Variants in BLTP1 observed in about 807,000 individuals in gnomAD.
The protein encoded by BLTP1 is fragile site-associated protein.
the BLTP1 span, chr4:122,235,666 G>A: frequency 2.5e-5 from 4 of 161,270 alleles, no homozygotes; most frequent in South Asian, 2.0e-4. Flanking sequence ...TTAGCCGGGC[G>A]TGGTGGCGGG....
chr4:122,329,602 A>G, the BLTP1 span, among the ~76,000 whole-genome samples: 2 of 151,246 alleles, frequency 1.3e-5, no homozygotes, highest in Admixed American at 6.6e-5. Context: ...CAGATGATCT[A>G]TATCTCTTTA....
the BLTP1 span, among the ~76,000 whole-genome samples, chr4:122,355,502 T>C: frequency 4.0e-5 from 6 of 150,522 alleles, no homozygotes; most frequent in Non-Finnish European, 8.9e-5. Context: ...AATCCCATTA[T>C]AAAGCTTTGG....
chr4:122,263,998 T>C, the BLTP1 span: 1 of 617,000 alleles, frequency 1.6e-6, no homozygotes, highest in Non-Finnish European at 2.0e-6. Context: ...AAATATTTAA[T>C]TAAATCTAAA....
At chr4:122,154,277 G>A in the BLTP1 span, 10 of 950,896 alleles carry the variant, frequency 1.1e-5, no homozygotes, top group South Asian at 9.9e-5. Context: ...CCGGGTTCAC[G>A]CCATTCTCCT....
the BLTP1 span, chr4:122,226,247 C>T: frequency 4.7e-6 from 1 of 211,264 alleles, no homozygotes. Flanking sequence ...CTTCTATTTA[C>T]ATAAACAAAA....
chr4:122,262,647 G>T, the BLTP1 span: 1 of 1,195,370 alleles, frequency 8.4e-7, no homozygotes, highest in Non-Finnish European at 1.2e-6. Context: ...GATCAGTTTT[G>T]GTATTAATGT....
At chr4:122,259,499 C>T in the BLTP1 span, among the ~76,000 whole-genome samples, 5 of 151,986 alleles carry the variant, frequency 3.3e-5, no homozygotes, top group African/African-American at 1.2e-4. Context: ...TTATTTTTTG[C>T]TAGTTATTGT....
At chr4:122,156,077 G>A in the BLTP1 span, 1 of 508,600 alleles carries the variant, frequency 2.0e-6, no homozygotes, top group African/African-American at 2.1e-5. Context: ...GAGGTAGGAA[G>A]TGTAGGAAGA....
At chr4:122,268,735 A>G in the BLTP1 span, among the ~76,000 whole-genome samples, 1 of 152,076 alleles carries the variant, frequency 6.6e-6, no homozygotes, top group Non-Finnish European at 1.5e-5. Context: ...GTAAAATGTT[A>G]TGGGGATTTA....
the BLTP1 span, chr4:122,355,826 A>C: frequency 6.2e-7 from 1 of 1,604,622 alleles, no homozygotes; most frequent in East Asian, 2.2e-5. Flanking sequence ...GTTGATGCTA[A>C]CAACACTGAG....
the BLTP1 span, chr4:122,244,150 T>TAC: frequency 4.8e-6 from 5 of 1,040,286 alleles, no homozygotes; most frequent in Non-Finnish European, 6.5e-6. Context: ...GTGATATATG[T>TAC]TCATATAGAA....
chr4:122,312,533 C>T, the BLTP1 span, among the ~76,000 whole-genome samples: 1 of 152,164 alleles, frequency 6.6e-6, no homozygotes, highest in Admixed American at 6.5e-5. Context: ...AGATTTGTAA[C>T]CATGACTACA....
chr4:122,160,939 C>T, the BLTP1 span: 17 of 155,550 alleles, frequency 1.1e-4, no homozygotes, highest in Non-Finnish European at 2.2e-4. Context: ...TCAAGTTAAG[C>T]GTTTGGTCTG....
the BLTP1 span, chr4:122,269,105 C>T: frequency 2.1e-6 from 2 of 960,892 alleles, no homozygotes; most frequent in Non-Finnish European, 2.5e-6. Flanking sequence ...GTTAAAATAT[C>T]TGAGCTAAAT....
the BLTP1 span, among the ~76,000 whole-genome samples, chr4:122,156,461 G>C: frequency 6.6e-6 from 1 of 152,176 alleles, no homozygotes; most frequent in African/African-American, 2.4e-5. Context: ...ATGAGTATTA[G>C]ACATCTATAG....
chr4:122,221,371 T>TGCCACAGAATGTGTGTTTC, the BLTP1 span, among the ~76,000 whole-genome samples: 1 of 152,204 alleles, frequency 6.6e-6, no homozygotes, highest in Non-Finnish European at 1.5e-5. Context: ...GTTTTTGTTT[T>TGCCACAGAATGTGTGTTTC]GCCACAGAAT....
At chr4:122,342,642 C>T in the BLTP1 span, among the ~76,000 whole-genome samples, 1 of 152,184 alleles carries the variant, frequency 6.6e-6, no homozygotes, top group Non-Finnish European at 1.5e-5. Flanking sequence ...GCATGAGCCA[C>T]TGTGCCCAGC....
At chr4:122,306,148 A>G in the BLTP1 span, 7 of 1,165,782 alleles carry the variant, frequency 6.0e-6, no homozygotes, top group East Asian at 1.7e-4. Context: ...TGACAGCTAA[A>G]TGGTTCCTAA....
the BLTP1 span, chr4:122,227,407 A>T: frequency 4.6e-5 from 45 of 984,026 alleles, no homozygotes; most frequent in South Asian, 1.0e-3. Context: ...CCATAGTATT[A>T]TTGTGCAATA....
Sources: gnomAD v4.1 joint callset for allele counts (sites outside exome capture counted in the v4.1 genomes callset) on GRCh38, gnomAD v4.1.1 for gene constraint, MANE v1.5 for transcripts, NCBI Gene and HGNC (gene_info 2026-07-23, HGNC 2026-07-21) for gene names.